Variants in JAZF1 observed in about 807,000 individuals in gnomAD.
JAZF1 encodes juxtaposed with another zinc finger protein 1.
JAZF1 carries 8 observed loss-of-function variants against 26.4 expected under a neutral mutation model. The ratio of observed to expected loss-of-function variants is 0.30; its 90% CI spans 0.18 to 0.55. The LOEUF is 0.55. Among genes scored for constraint, JAZF1 ranks in the 20% least tolerant of loss-of-function variants. The probability of loss-of-function intolerance (pLI) is 0.94; values close to 1 mark genes in which losing one functional copy is unlikely to be tolerated. For missense variants in JAZF1, 199 were observed against 322.0 expected (o/e 0.62, Z 2.92); for synonymous variants, 126 against 122.3 (o/e 1.03, Z -0.20).
intron 1 of JAZF1, among the ~76,000 whole-genome samples, chr7:28,157,895 A>T (rs1386738214): frequency 4.0e-5 from 6 of 151,730 alleles, no homozygotes; most frequent in Non-Finnish European, 5.9e-5. Context: ...ATTTTTTTTT[A>T]ATCCCCGATG....
intron 1 of JAZF1, among the ~76,000 whole-genome samples, chr7:28,106,643 G>A (rs67200130): frequency 0.12 from 18,611 of 152,116 alleles, 2,234 homozygotes; most frequent in African/African-American, 0.31. Context: ...CTGCAAAGGA[G>A]ATGCAGTGAA....
chr7:28,091,168 C>T (rs958668347), intron 1 of JAZF1, among the ~76,000 whole-genome samples: 2 of 152,008 alleles, frequency 1.3e-5, no homozygotes, highest in African/African-American at 4.8e-5. Context: ...AAAATTATTA[C>T]TATTTTTTCT....
At chr7:27,969,435 G>A (rs1785335936) in intron 2 of JAZF1, among the ~76,000 whole-genome samples, 1 of 151,970 alleles carries the variant, frequency 6.6e-6, no homozygotes, top group Admixed American at 6.6e-5. Context: ...CTGCTTGGAG[G>A]GCTTCTCTGC....
At chr7:27,990,119 T>G (rs981107854) in intron 2 of JAZF1, among the ~76,000 whole-genome samples, 1 of 152,032 alleles carries the variant, frequency 6.6e-6, no homozygotes, top group Non-Finnish European at 1.5e-5. Context: ...AAAGGATGAG[T>G]TCATGTCCTT....
intron 3 of JAZF1, among the ~76,000 whole-genome samples, chr7:27,846,920 G>A (rs1430837662): frequency 1.3e-5 from 2 of 152,048 alleles, no homozygotes; most frequent in Non-Finnish European, 2.9e-5. Flanking sequence ...TCATCTTATT[G>A]TTTCCTTTGC....
intron 1 of JAZF1, among the ~76,000 whole-genome samples, chr7:28,157,511 A>G (rs1783206347): frequency 2.0e-5 from 3 of 152,210 alleles, no homozygotes; most frequent in Admixed American, 2.0e-4. Context: ...TTTTCCAACC[A>G]TTTAAAAATG....
intron 3 of JAZF1, among the ~76,000 whole-genome samples, chr7:27,862,165 G>C (rs1783394787): frequency 6.6e-6 from 1 of 152,186 alleles, no homozygotes; most frequent in South Asian, 2.1e-4. Flanking sequence ...GGTATCTGTA[G>C]CTCCATTTTT....
intron 2 of JAZF1, among the ~76,000 whole-genome samples, chr7:27,946,543 C>T (rs1282922942): frequency 6.6e-6 from 1 of 152,176 alleles, no homozygotes; most frequent in African/African-American, 2.4e-5. Context: ...TTTTGGAGTA[C>T]TCAGTATTCA....
At chr7:28,081,766 T>C (rs563010699) in intron 1 of JAZF1, among the ~76,000 whole-genome samples, 3 of 152,306 alleles carry the variant, frequency 2.0e-5, no homozygotes, top group South Asian at 2.1e-4. Context: ...TTTATATGTG[T>C]TTCCATCTTT....
Position 27,986,829 on chromosome 7 carries a change from T to C in JAZF1, c.188+5080A>G, listed in dbSNP as rs527853331. On this transcript the variant is annotated intron_variant, in intron 2 of 4. Coordinates refer to ENST00000283928, the MANE Select transcript of JAZF1 (RefSeq NM_175061.4). ...CGCTGCCATGCCTGACTGGTTTTTG[T>C]ATTTTTTGGTGGAGACGGGGTTTCG... Among the ~76,000 whole-genome samples the C allele has an allele frequency of 3.3e-5, 5 of 152,302 alleles. No individual in the cohort carries two copies. The East Asian group carries it at 9.7e-4, about 29-fold the overall frequency.
intron 1 of JAZF1, among the ~76,000 whole-genome samples, chr7:28,039,361 C>G (rs974463408): frequency 2.6e-5 from 4 of 152,046 alleles, no homozygotes; most frequent in African/African-American, 9.7e-5. Context: ...CAGGAAGTGA[C>G]AGAGGGAAGA....
intron 3 of JAZF1, among the ~76,000 whole-genome samples, chr7:27,883,807 CTTT>C (rs1387175741): frequency 1.3e-5 from 2 of 152,184 alleles, no homozygotes; most frequent in African/African-American, 4.8e-5. Context: ...AACAGCCCTT[CTTT>C]ATCTTTTCTT....
At chr7:27,965,958 A>G (rs1785268248) in intron 2 of JAZF1, among the ~76,000 whole-genome samples, 1 of 152,234 alleles carries the variant, frequency 6.6e-6, no homozygotes, top group South Asian at 2.1e-4. Context: ...GTCAAGTGAC[A>G]TGTCACTTGG....
At chr7:28,086,010 T>C (rs1784207050) in intron 1 of JAZF1, among the ~76,000 whole-genome samples, 1 of 152,238 alleles carries the variant, frequency 6.6e-6, no homozygotes, top group Non-Finnish European at 1.5e-5. Flanking sequence ...AGAAGAGCAC[T>C]GCAATCATGA....
intron 2 of JAZF1, among the ~76,000 whole-genome samples, chr7:27,934,439 A>C (rs1784731767): frequency 6.6e-6 from 1 of 151,352 alleles, no homozygotes; most frequent in African/African-American, 2.4e-5. Context: ...GTTGAAAACC[A>C]GTGAGGATTT....
At chr7:27,834,131 G>A (rs976916219) in intron 4 of JAZF1, among the ~76,000 whole-genome samples, 1 of 152,132 alleles carries the variant, frequency 6.6e-6, no homozygotes, top group African/African-American at 2.4e-5. Flanking sequence ...ACTCTTCATG[G>A]GATGCCTTCA....
chr7:28,164,917 C>T (rs1783342916), intron 1 of JAZF1, among the ~76,000 whole-genome samples: 1 of 152,144 alleles, frequency 6.6e-6, no homozygotes, highest in African/African-American at 2.4e-5. Flanking sequence ...ATCTGTAATC[C>T]CAGCACTTTG....
rs1342030003 is a variant in JAZF1 at position 27,928,548 on chromosome 7, CTT to C, written c.189-33134_189-33133del. ...TAGTATGCTCTAAAGGACACTAATT[CTT>C]TGTTTTGTTCTTTGCTAGTGCCCAT... On this transcript the variant is annotated intron_variant, in intron 2 of 4. Coordinates refer to ENST00000283928, the MANE Select transcript of JAZF1 (RefSeq NM_175061.4). 4.6e-5 allele frequency among the ~76,000 whole-genome samples: 7 copies of C among 152,296 alleles called. No individual in the cohort carries two copies. In the East Asian group the frequency reaches 1.3e-3, roughly 29 times the overall value.
At chr7:27,901,240 T>C (rs973309192) in intron 2 of JAZF1, among the ~76,000 whole-genome samples, 6 of 152,258 alleles carry the variant, frequency 3.9e-5, no homozygotes, top group African/African-American at 1.2e-4. Flanking sequence ...GTTACTTTAA[T>C]TTAATATGGT....
Sources: allele counts gnomAD v4.1 joint callset (sites outside exome capture counted in the v4.1 genomes callset), GRCh38; gene constraint gnomAD v4.1.1; transcripts MANE v1.5; gene names NCBI Gene and HGNC (gene_info 2026-07-23, HGNC 2026-07-21).